Variants in MOXD1 observed in about 807,000 individuals in gnomAD.
The protein encoded by MOXD1 is DBH-like monooxygenase protein 1.
Under a neutral mutation model 66.6 loss-of-function variants are expected in MOXD1, and 62 were observed. The ratio of observed to expected loss-of-function variants is 0.93; its 90% CI spans 0.76 to 1.15. The LOEUF (loss-of-function observed/expected upper bound fraction) is 1.15. Ranked by LOEUF, MOXD1 falls within the 50% of genes most tolerant of loss-of-function variation. The pLI, the probability that MOXD1 is intolerant of heterozygous loss-of-function variation, is 0.00. For synonymous variants in MOXD1, 303 were observed against 281.9 expected (o/e 1.07, Z -0.75); for missense variants, 847 against 754.6 (o/e 1.12, Z -1.44).
At chr6:132,342,914 T>C (rs549875454) in intron 4 of MOXD1, among the ~76,000 whole-genome samples, 1 of 152,288 alleles carries the variant, frequency 6.6e-6, no homozygotes, top group African/African-American at 2.4e-5. Context: ...GCAGGATAGA[T>C]AGATGCACAT....
intron 1 of MOXD1, among the ~76,000 whole-genome samples, chr6:132,393,555 AG>A (rs1224990511): frequency 6.6e-6 from 1 of 152,186 alleles, no homozygotes; most frequent in Non-Finnish European, 1.5e-5. Context: ...TGCTAGCCAT[AG>A]GAGAGCCCCT....
chr6:132,319,203 T>C (rs1775022896), intron 9 of MOXD1, among the ~76,000 whole-genome samples: 1 of 152,020 alleles, frequency 6.6e-6, no homozygotes, highest in African/African-American at 2.4e-5. Flanking sequence ...AAAATGTTTA[T>C]ATAAATTAAA....
At chr6:132,320,757 C>A in intron 8 of MOXD1, 69 bp from the exon 9 acceptor site, 1 of 1,285,444 alleles carries the variant, frequency 7.8e-7, no homozygotes, top group Middle Eastern at 1.9e-4. Flanking sequence ...TACATTTGTA[C>A]GTCAACAGTT....
intron 1 of MOXD1, among the ~76,000 whole-genome samples, chr6:132,392,468 A>G (rs56336490): frequency 0.14 from 21,465 of 152,214 alleles, 1,764 homozygotes; most frequent in Middle Eastern, 0.22. Flanking sequence ...CTTGCCTCAA[A>G]TGGGCACTCA....
chr6:132,374,996 T>A, intron 1 of MOXD1: 1 of 585,586 alleles, frequency 1.7e-6, no homozygotes, highest in Non-Finnish European at 3.0e-6. Flanking sequence ...AGACTGATAA[T>A]ATCGTAGAGC....
At chr6:132,369,404 A>G (rs1031709358) in intron 4 of MOXD1, among the ~76,000 whole-genome samples, 1 of 152,044 alleles carries the variant, frequency 6.6e-6, no homozygotes, top group Admixed American at 6.6e-5. Context: ...ATTGGCATGA[A>G]TTTCTTTTTC....
intron 1 of MOXD1, among the ~76,000 whole-genome samples, chr6:132,384,264 TCCTTCCTTCCTTCCTTCCTTC>T (rs1245294700): frequency 7.8e-5 from 9 of 115,862 alleles, no homozygotes; most frequent in East Asian, 1.1e-3. Flanking sequence ...CTTCCTTCCT[TCCTTCCTTCCTTCCTTCCTTC>T]CTTCCTCCTT....
chr6:132,326,285 T>C (rs1470320086), intron 6 of MOXD1, among the ~76,000 whole-genome samples: 1 of 151,880 alleles, frequency 6.6e-6, no homozygotes, highest in East Asian at 1.9e-4. Flanking sequence ...TGAATAAAAA[T>C]AGAAAGTACT....
intron 1 of MOXD1, among the ~76,000 whole-genome samples, chr6:132,400,165 A>C (rs1776988485): frequency 6.6e-6 from 1 of 152,230 alleles, no homozygotes; most frequent in Non-Finnish European, 1.5e-5. Flanking sequence ...TAAAATTACT[A>C]AGAAGCGCAC....
chr6:132,308,709 G>A (rs1308403896), intron 10 of MOXD1, among the ~76,000 whole-genome samples: 1 of 152,130 alleles, frequency 6.6e-6, no homozygotes, highest in African/African-American at 2.4e-5. Context: ...TACAAGGCAG[G>A]TTCAACCCAT....
At chr6:132,307,663 CA>C (rs1230926678) in intron 10 of MOXD1, among the ~76,000 whole-genome samples, 1 of 152,074 alleles carries the variant, frequency 6.6e-6, no homozygotes, top group Non-Finnish European at 1.5e-5. Context: ...AGTCATTAAA[CA>C]AACAGTCTCT....
chr6:132,347,045 A>G lies in MOXD1; in HGVS notation c.664-18451T>C, dbSNP rs931782064. ...AAGGTGCTAATATACAATAATAGCTATCGTTTGTGAGTGTTTATATGTACC... is the reference window on the plus strand; with the variant it reads ...AAGGTGCTAATATACAATAATAGCTGTCGTTTGTGAGTGTTTATATGTACC... On this transcript the variant is annotated intron_variant, in intron 4 of 11. Coordinates refer to ENST00000367963, the MANE Select transcript of MOXD1 (RefSeq NM_015529.4). 3.3e-5 allele frequency among the ~76,000 whole-genome samples: 5 copies of G among 152,218 alleles called. No individual in the cohort carries two copies. In the East Asian group the frequency reaches 7.7e-4, roughly 23 times the overall value.
intron 10 of MOXD1, among the ~76,000 whole-genome samples, chr6:132,305,494 C>T (rs1774668846): frequency 1.3e-5 from 2 of 152,240 alleles, no homozygotes; most frequent in Admixed American, 1.3e-4. Context: ...CAACAAGGCA[C>T]ACACCCTCCA....
At chr6:132,330,607 C>T (rs1027858733) in intron 4 of MOXD1, among the ~76,000 whole-genome samples, 3 of 152,180 alleles carry the variant, frequency 2.0e-5, no homozygotes, top group African/African-American at 7.2e-5. Flanking sequence ...GTAGCCCTGG[C>T]GTGTTGCTAA....
chr6:132,311,811 T>C (rs1481788923), intron 10 of MOXD1, among the ~76,000 whole-genome samples: 1 of 152,116 alleles, frequency 6.6e-6, no homozygotes, highest in East Asian at 1.9e-4. Context: ...ATGTTAGCAA[T>C]GTTTATGTTG....
At chr6:132,333,810 C>A (rs1230128798) in intron 4 of MOXD1, among the ~76,000 whole-genome samples, 2 of 152,180 alleles carry the variant, frequency 1.3e-5, no homozygotes, top group African/African-American at 4.8e-5. Context: ...GAGGGCCTGG[C>A]AGCCGTGGGT....
chr6:132,303,677 A>G (rs1774598495), intron 10 of MOXD1, among the ~76,000 whole-genome samples: 1 of 147,134 alleles, frequency 6.8e-6, no homozygotes, highest in African/African-American at 2.5e-5. Context: ...CATGTTCTGC[A>G]TCTGGGAAAG....
Position 132,401,309 on chromosome 6 carries a change from C to G in MOXD1, c.118G>C (p.Gly40Arg). 1 of 1,595,254 alleles carries G rather than the reference C, an allele frequency of 6.3e-7. No homozygotes were observed. Among genetic ancestry groups the G allele is most frequent in the Non-Finnish European group, 8.5e-7 (1 of 1,175,716 alleles). Residue 40 changes from glycine (G) to arginine (R), a missense_variant, in exon 1 of 12, where the codon GGC becomes CGC. Physicochemically the swap from Gly to Arg is moderately radical, Grantham distance 125. Coordinates refer to ENST00000367963, the MANE Select transcript of MOXD1 (RefSeq NM_015529.4). ...LLDSEGKYWLGWSQRGSQIAF... is the reference protein window; with the variant it reads ...LLDSEGKYWLRWSQRGSQIAF... The stretch of plus-strand genomic sequence containing the variant: ...ATCTGGCTGCCCCGCTGGCTCCAGC[C>G]CAGCCAGTACTTGCCCTCCGAGTCC...
intron 4 of MOXD1, among the ~76,000 whole-genome samples, chr6:132,366,164 G>A (rs1275284022): frequency 1.3e-5 from 2 of 152,078 alleles, no homozygotes; most frequent in Non-Finnish European, 2.9e-5. Flanking sequence ...TAAGAGAAAT[G>A]GAAAGTATTT....
Sources: allele counts gnomAD v4.1 joint callset (sites outside exome capture counted in the v4.1 genomes callset), GRCh38; gene constraint gnomAD v4.1.1; transcripts MANE v1.5; gene names NCBI Gene and HGNC (gene_info 2026-07-23, HGNC 2026-07-21).